The following MFN2 variants were observed in gnomAD, a reference collection of about 807,000 sequenced individuals.
The protein encoded by MFN2 is mitofusin 2.
Under a neutral mutation model 87.5 loss-of-function variants are expected in MFN2, and 43 were observed. That is an observed-to-expected ratio of 0.49 (90% confidence interval 0.38 to 0.63). The LOEUF is 0.63. MFN2 is among the 30% of genes least tolerant of loss of function. The pLI is 0.00. For missense variants in MFN2, 743 were observed against 972.8 expected, an observed-to-expected ratio of 0.76 and a Z score of 3.14; for synonymous variants, 337 against 359.9, an observed-to-expected ratio of 0.94 and a Z score of 0.72.
chr1:11,996,621 T>C (rs527768929), intron 5 of MFN2, among the ~76,000 whole-genome samples: 10 of 152,304 alleles, frequency 6.6e-5, no homozygotes, highest in African/African-American at 2.2e-4. Flanking sequence ...CCTTGGGATA[T>C]TGCCAGAGAG....
rs567958710 is a variant in MFN2 at position 12,001,617 on chromosome 1, G to T, written c.970+63G>T. 1.4e-4 allele frequency: 218 copies of T among 1,612,184 alleles called. 1 individual carries two copies. The highest frequency in any genetic ancestry group is 6.5e-4 in the Admixed American group (39 of 60,018). On this transcript the variant is annotated intron_variant, in intron 9 of 18. Coordinates refer to ENST00000235329, the MANE Select transcript of MFN2 (RefSeq NM_014874.4). ...TTTGAGACATTTTGTCTCGTGCTGA[G>T]GAGTCTGTCAGTAGAAAATCCTTCT...
intron 8 of MFN2, among the ~76,000 whole-genome samples, chr1:12,000,009 A>C (rs1639101273): frequency 6.6e-6 from 1 of 151,654 alleles, no homozygotes; most frequent in Admixed American, 6.6e-5. Flanking sequence ...AGGCAGGAGA[A>C]CGGCGTGAAC....
intron 2 of MFN2, among the ~76,000 whole-genome samples, chr1:11,987,647 A>AAG (rs1456114473): frequency 1.3e-5 from 2 of 149,554 alleles, no homozygotes; most frequent in Non-Finnish European, 3.0e-5. Flanking sequence ...AAAAAAAAAA[A>AAG]TGTTGGCTGG....
intron 1 of MFN2, 120 bp from the exon 2 acceptor site, chr1:11,981,850 A>C (rs533778453): frequency 6.6e-6 from 1 of 151,496 alleles, no homozygotes; most frequent in African/African-American, 2.4e-5. Flanking sequence ...CAATACCTCA[A>C]TGAGTAAGCT....
Position 11,992,767 on chromosome 1 carries a change from C to G in MFN2, c.311+77C>G, listed in dbSNP as rs1363578364. The G allele has an allele frequency of 5.1e-6, 8 of 1,571,904 alleles. No individual in the cohort carries two copies. The Admixed American group carries it at 1.2e-4, about 23-fold the overall frequency. On this transcript the variant is annotated intron_variant, in intron 4 of 18. Coordinates refer to ENST00000235329, the MANE Select transcript of MFN2 (RefSeq NM_014874.4). ...AGGCACTTTGTGCAAGGTCACAGAA[C>G]GTTCCAGGCAGGGACATGCTTCAGA...
chr1:11,992,441 T>G (rs554411047), intron 3 of MFN2, 114 bp from the exon 4 acceptor site: 1 of 1,312,742 alleles, frequency 7.6e-7, no homozygotes. Flanking sequence ...GGCTGCAGGG[T>G]GCCAGAGGTG....
chr1:12,003,068 T>A lies in MFN2; in HGVS notation c.1161-924T>A, dbSNP rs960810934. Among the ~76,000 whole-genome samples the A allele has an allele frequency of 6.6e-6, 1 of 151,758 alleles. No individual in the cohort carries two copies. The highest frequency in any genetic ancestry group is 2.4e-5 in the African/African-American group (1 of 41,276). ...ATTGTGAATATGCCTCATTTTCCTATGGATGGAATTTTAGATTTTTTTTTT... is the reference window on the plus strand; with the variant it reads ...ATTGTGAATATGCCTCATTTTCCTAAGGATGGAATTTTAGATTTTTTTTTT... On this transcript the variant is annotated intron_variant, in intron 11 of 18. Transcript: ENST00000235329. This position sits in a 1 kb window ranked among gnomAD's most constrained non-coding sequence, Gnocchi z 4.1.
At chr1:12,011,174 C>T (rs1160427059) in intron 18 of MFN2, among the ~76,000 whole-genome samples, 1 of 152,212 alleles carries the variant, frequency 6.6e-6, no homozygotes, top group Non-Finnish European at 1.5e-5. Context: ...CTGTCAGCAC[C>T]TCAACCCCTT....
Position 12,002,197 on chromosome 1 carries a change from G to A in MFN2, c.1160+94G>A. The stretch of plus-strand genomic sequence containing the variant: ...GCAGTTAGGACACGCCTTGATGGCA[G>A]GGCTGAGTCTCTGGGCTCCCATCCA... On this transcript the variant is annotated intron_variant, in intron 11 of 18. Coordinates refer to ENST00000235329, the MANE Select transcript of MFN2 (RefSeq NM_014874.4). 8 of 1,596,378 alleles carry A rather than the reference G, an allele frequency of 5.0e-6. 1 individual carries two copies. The South Asian group carries it at 8.9e-5, about 18-fold the overall frequency.
Position 12,004,795 on chromosome 1 carries a change from C to G in MFN2, c.1393-30C>G, listed in dbSNP as rs780219608. On this transcript the variant is annotated intron_variant, in intron 13 of 18. Transcript: ENST00000235329. The surrounding 1 kb of genome is among the most constrained non-coding windows in gnomAD (Gnocchi z 4.2). ...CCTGAAGGGAATTTTGATGGACATG[C>G]TTCTCTTAACTTCCCTCTTCTGGTG... is the stretch of plus-strand genomic sequence containing the variant. 269 of 1,602,202 alleles carry G rather than the reference C, an allele frequency of 1.7e-4. No homozygotes were observed. The highest frequency in any genetic ancestry group is 2.2e-4 in the Non-Finnish European group (261 of 1,169,844).
chr1:12,011,552 A>G lies in MFN2; in HGVS notation c.2261A>G (p.Gln754Arg). 1 of 1,614,130 alleles carries G rather than the reference A, an allele frequency of 6.2e-7. No individual in the cohort carries two copies. ...AACATGTTCACACACCAGTACCTGC[A>G]GCCCAGCAGATAGTGGGCACCTGAG... ...ELNMFTHQYLQPSR is the reference protein window; with the variant it reads ...ELNMFTHQYLRPSR The change falls in exon 19 of 19, where the codon CAG becomes CGG. Residue 754 changes from glutamine (Q) to arginine (R), a missense_variant. By Grantham distance (43) the Gln-to-Arg change is conservative. Around this residue, in one of 3 missense-constraint regions of MFN2, gnomAD observed 571 missense variants for 670.7 expected, o/e 0.85. Transcript: ENST00000235329.
At chr1:11,992,754 C>T (rs1638746195) in intron 4 of MFN2, 64 bp downstream of exon 4, 4 of 1,604,646 alleles carry the variant, frequency 2.5e-6, no homozygotes, top group African/African-American at 2.7e-5. Context: ...GCACTTTGTG[C>T]AAGGTCACAG....
At chr1:11,986,378 G>T (rs1638406602) in intron 2 of MFN2, among the ~76,000 whole-genome samples, 1 of 152,090 alleles carries the variant, frequency 6.6e-6, no homozygotes, top group African/African-American at 2.4e-5. Flanking sequence ...GGCTGGGGAG[G>T]CAGTGACAGA....
intron 9 of MFN2, 88 bp downstream of exon 9, chr1:12,001,642 T>G (rs1639178705): frequency 3.1e-6 from 5 of 1,605,460 alleles, no homozygotes; most frequent in Middle Eastern, 1.7e-4. Flanking sequence ...AAAATCCTTC[T>G]GAGAAGGGGA....
At chr1:11,995,359 A>G (rs1341576919) in intron 4 of MFN2, among the ~76,000 whole-genome samples, 2 of 152,208 alleles carry the variant, frequency 1.3e-5, no homozygotes, top group Non-Finnish European at 2.9e-5. Context: ...TAGGCTGGGC[A>G]TGGTGGCTCA....
At chr1:11,981,939 C>G (rs778648881) in intron 1 of MFN2, 31 bp from the exon 2 acceptor site, 3 of 50,812 alleles carry the variant, frequency 5.9e-5, no homozygotes, top group African/African-American at 1.8e-4. Flanking sequence ...TTTTGGACAC[C>G]GGATCCATCT....
At chr1:11,994,764 G>T (rs1215806768) in intron 4 of MFN2, among the ~76,000 whole-genome samples, 1 of 152,136 alleles carries the variant, frequency 6.6e-6, no homozygotes. Context: ...CACCTGGGAG[G>T]TATGACCCCC....
At position 12,004,225 on chromosome 1, in the gene MFN2, T is replaced by C. The variant is rs1290838492; in HGVS notation, c.1287+107T>C. 38 of 1,477,184 alleles carry C rather than the reference T, an allele frequency of 2.6e-5. No homozygotes were observed. In the East Asian group the frequency reaches 8.5e-4, roughly 33 times the overall value. 91.5% of individuals were successfully genotyped at this position (1,477,184 alleles called of 1,614,324 possible). Reference sequence around the variant, plus strand: ...GACTTCTCAGCCTTTCAGAAGAAAGTTGTGGCCCTGTTTCAAGAATACAGA... The same window carrying C: ...GACTTCTCAGCCTTTCAGAAGAAAGCTGTGGCCCTGTTTCAAGAATACAGA... On this transcript the variant is annotated intron_variant, in intron 12 of 18. Transcript: ENST00000235329. The surrounding 1 kb of genome is among the most constrained non-coding windows in gnomAD (Gnocchi z 4.2).
rs773112358 is a variant in MFN2, at chr1:12,011,576, A to G, written c.*11A>G. 1.2e-6 allele frequency: 2 copies of G among 1,613,588 alleles called. No homozygotes were observed. Among genetic ancestry groups the G allele is most frequent in the Non-Finnish European group, 1.7e-6 (2 of 1,179,968 alleles). ...CAGCCCAGCAGATAGTGGGCACCTG[A>G]GGCGGAGTCTGCGTGGAGAGGGGCG... On this transcript the variant is annotated 3_prime_UTR_variant, in exon 19 of 19. Transcript: ENST00000235329.
Sources: allele counts gnomAD v4.1 joint callset (sites outside exome capture counted in the v4.1 genomes callset), GRCh38; gene constraint gnomAD v4.1.1; regional missense constraint gnomAD v4.1.1; non-coding constraint Gnocchi (gnomAD v3.1); transcripts MANE v1.5; gene names NCBI Gene and HGNC (gene_info 2026-07-23, HGNC 2026-07-21).